Variants in STK32B observed in about 807,000 individuals in gnomAD.
STK32B encodes the protein serine/threonine-protein kinase 32B.
A neutral mutation model predicts 52.6 loss-of-function variants in STK32B; 43 were observed. That is an observed-to-expected ratio of 0.82 (90% CI 0.64 to 1.05). STK32B has a LOEUF of 1.05. STK32B is among the 50% of genes least tolerant of loss of function. The probability of loss-of-function intolerance (pLI) is 0.00; values close to 1 mark genes in which losing one functional copy is unlikely to be tolerated. For missense variants in STK32B, 621 were observed against 534.6 expected (o/e 1.16, Z -1.59); for synonymous variants, 238 against 204.3 (o/e 1.17, Z -1.41).
chr4:5,275,884 C>T (rs931920947), intron 3 of STK32B, among the ~76,000 whole-genome samples: 2 of 151,982 alleles, frequency 1.3e-5, no homozygotes, highest in Non-Finnish European at 2.9e-5. Flanking sequence ...TTAAACAGAA[C>T]CTATTTTGGA....
chr4:5,166,063 T>G (rs2108732967), intron 2 of STK32B, among the ~76,000 whole-genome samples: 2 of 152,290 alleles, frequency 1.3e-5, no homozygotes, highest in South Asian at 4.1e-4. Flanking sequence ...GAAATCAGGC[T>G]TCTGCCATCG....
chr4:5,245,061 G>A (rs1725340880), intron 3 of STK32B, among the ~76,000 whole-genome samples: 1 of 152,172 alleles, frequency 6.6e-6, no homozygotes, highest in Non-Finnish European at 1.5e-5. Context: ...GATTTGGGGT[G>A]GAGAGTTCTG....
At chr4:5,479,638 G>A (rs2109194413) in intron 11 of STK32B, among the ~76,000 whole-genome samples, 1 of 152,278 alleles carries the variant, frequency 6.6e-6, no homozygotes, top group African/African-American at 2.4e-5. Context: ...TTGGGAGGTG[G>A]CAGCAGGGCT....
chr4:5,124,369 G>A (rs1715235752), intron 1 of STK32B, among the ~76,000 whole-genome samples: 1 of 152,092 alleles, frequency 6.6e-6, no homozygotes, highest in Non-Finnish European at 1.5e-5. Flanking sequence ...CTTAGAGGTG[G>A]GTGGACATTC....
chr4:5,325,143 C>A (rs1436457852), intron 3 of STK32B, among the ~76,000 whole-genome samples: 1 of 152,112 alleles, frequency 6.6e-6, no homozygotes, highest in East Asian at 1.9e-4. Flanking sequence ...ATTTTTAATG[C>A]CTTCAGCCTA....
intron 1 of STK32B, among the ~76,000 whole-genome samples, chr4:5,059,196 C>T (rs1225105318): frequency 1.3e-5 from 2 of 150,640 alleles, no homozygotes; most frequent in Non-Finnish European, 2.9e-5. Flanking sequence ...AGCTACTGCT[C>T]TTTTGCTGTC....
At chr4:5,165,708 C>T (rs182926538) in intron 2 of STK32B, among the ~76,000 whole-genome samples, 24 of 152,276 alleles carry the variant, frequency 1.6e-4, no homozygotes, top group Non-Finnish European at 3.1e-4. Flanking sequence ...GCTTGGATTC[C>T]CACAAAGCCA....
At chr4:5,442,644 A>G (rs1415495477) in intron 6 of STK32B, among the ~76,000 whole-genome samples, 4 of 151,960 alleles carry the variant, frequency 2.6e-5, no homozygotes, top group Admixed American at 2.6e-4. Context: ...TGATCCTGTC[A>G]TGATGATGTT....
At chr4:5,424,400 G>A (rs527504128) in intron 6 of STK32B, among the ~76,000 whole-genome samples, 3 of 152,278 alleles carry the variant, frequency 2.0e-5, no homozygotes, top group South Asian at 2.1e-4. Flanking sequence ...TCCACTGACC[G>A]GAGTGAGAAC....
chr4:5,133,347 G>GC (rs1321748730), intron 1 of STK32B, among the ~76,000 whole-genome samples: 1 of 152,186 alleles, frequency 6.6e-6, no homozygotes, highest in Non-Finnish European at 1.5e-5. Context: ...ATAGATGCCT[G>GC]CCACAGCTTG....
intron 3 of STK32B, among the ~76,000 whole-genome samples, chr4:5,258,451 C>T (rs1726479251): frequency 6.6e-6 from 1 of 152,184 alleles, no homozygotes; most frequent in Admixed American, 6.5e-5. Context: ...GCTCCACAGC[C>T]TCTCAGGGCT....
At chr4:5,346,705 G>A (rs1036864030) in intron 4 of STK32B, among the ~76,000 whole-genome samples, 1 of 152,210 alleles carries the variant, frequency 6.6e-6, no homozygotes, top group Non-Finnish European at 1.5e-5. Context: ...ACAAGGAGGA[G>A]TGCTCACCTC....
intron 3 of STK32B, among the ~76,000 whole-genome samples, chr4:5,320,922 CT>C (rs1347851201): frequency 6.6e-6 from 1 of 152,122 alleles, no homozygotes; most frequent in Non-Finnish European, 1.5e-5. Context: ...AACAGAATGA[CT>C]GGTTTTTAGG....
intron 11 of STK32B, among the ~76,000 whole-genome samples, chr4:5,483,693 TAG>T (rs1223223722): frequency 1.3e-5 from 2 of 152,188 alleles, no homozygotes; most frequent in African/African-American, 4.8e-5. Flanking sequence ...GTATCAATTT[TAG>T]ATCTTTCCTG....
At chr4:5,358,012 A>G (rs190451391) in intron 4 of STK32B, among the ~76,000 whole-genome samples, 12 of 152,314 alleles carry the variant, frequency 7.9e-5, no homozygotes, top group South Asian at 2.1e-4. Flanking sequence ...TTCCAATTCA[A>G]TTTAAGGCAC....
intron 4 of STK32B, among the ~76,000 whole-genome samples, chr4:5,364,819 A>G (rs988349276): frequency 6.6e-6 from 1 of 152,202 alleles, no homozygotes; most frequent in Non-Finnish European, 1.5e-5. Flanking sequence ...ATGGTCTTTC[A>G]GCCTGAATGT....
intron 3 of STK32B, among the ~76,000 whole-genome samples, chr4:5,170,467 A>T (rs1446517185): frequency 1.4e-5 from 2 of 140,696 alleles, no homozygotes; most frequent in African/African-American, 5.4e-5. Flanking sequence ...CCGTCCCCCC[A>T]CCCCACAACA....
chr4:5,101,248 G>A (rs537551875), intron 1 of STK32B, among the ~76,000 whole-genome samples: 4 of 152,240 alleles, frequency 2.6e-5, no homozygotes, highest in Admixed American at 2.6e-4. Flanking sequence ...GTCATTGCAG[G>A]AATATTTGGG....
chr4:5,492,137 G>T (rs1719788401), intron 11 of STK32B, among the ~76,000 whole-genome samples: 1 of 152,236 alleles, frequency 6.6e-6, no homozygotes. Flanking sequence ...TAGCTTGATG[G>T]GGATGGCATT....
Sources: allele counts gnomAD v4.1 joint callset (sites outside exome capture counted in the v4.1 genomes callset), GRCh38; gene constraint gnomAD v4.1.1; transcripts MANE v1.5; gene names NCBI Gene and HGNC (gene_info 2026-07-23, HGNC 2026-07-21).